COL5A1: variants seen among roughly 807,000 people sequenced by gnomAD.
The protein encoded by COL5A1 is collagen type V alpha 1 chain.
Under a neutral mutation model 263.7 loss-of-function variants are expected in COL5A1, and 16 were observed. That is an observed-to-expected ratio of 0.06 (90% CI 0.04 to 0.09). The LOEUF (loss-of-function observed/expected upper bound fraction) is 0.09, where lower values mean the gene tolerates loss of function less well. Ranked by LOEUF, COL5A1 falls within the 10% of genes least tolerant of loss-of-function variation. The pLI, the probability that COL5A1 is intolerant of heterozygous loss-of-function variation, is 1.00. For synonymous variants in COL5A1, 1,012 were observed against 1,004.5 expected (o/e 1.01, Z -0.14); for missense variants, 2,036 against 2,540.5 (o/e 0.80, Z 4.27).
rs917602950 is a variant in COL5A1 at position 134,754,419 on chromosome 9, G to A, written c.1827+93G>A. The A allele has an allele frequency of 6.9e-7, 1 of 1,445,618 alleles. No individual in the cohort carries two copies. Among genetic ancestry groups the A allele is most frequent in the Non-Finnish European group, 9.7e-7 (1 of 1,028,720 alleles). 89.5% of individuals were successfully genotyped at this position (1,445,618 alleles called of 1,614,324 possible). A position where few individuals can be genotyped will look rare whatever the true frequency, so the allele number is the denominator to read the frequency against. On this transcript the variant is annotated intron_variant, in intron 16 of 65. Coordinates refer to ENST00000371817, the MANE Select transcript of COL5A1 (RefSeq NM_000093.5). This position sits in a 1 kb window ranked among gnomAD's most constrained non-coding sequence, Gnocchi z 4.3. ...TGCGGGCACCCCCAACAGCCAGCTGGGCCACATGAAGCCAGGTGGCTCCCC... is the reference window on the plus strand; with the variant it reads ...TGCGGGCACCCCCAACAGCCAGCTGAGCCACATGAAGCCAGGTGGCTCCCC...
At chr9:134,666,938 G>A (rs1383254865) in intron 1 of COL5A1, among the ~76,000 whole-genome samples, 2 of 152,182 alleles carry the variant, frequency 1.3e-5, no homozygotes, top group Admixed American at 6.5e-5. Context: ...ACATCTCCTC[G>A]AGGATGGGGA....
chr9:134,731,951 A>G, intron 8 of COL5A1, 120 bp from the exon 9 acceptor site: 1 of 1,164,210 alleles, frequency 8.6e-7, no homozygotes, highest in Non-Finnish European at 1.3e-6. Flanking sequence ...GGGCCTGGGG[A>G]GATGCCCAGC....
At chr9:134,834,840 G>A (rs1588615151) in intron 64 of COL5A1, 131 bp from the exon 65 acceptor site, 3 of 706,066 alleles carry the variant, frequency 4.2e-6, no homozygotes, top group South Asian at 3.2e-5. Flanking sequence ...GGGTCTGTGG[G>A]TACAGTGCGT....
At chr9:134,775,085 C>A (rs1329382554) in intron 27 of COL5A1, among the ~76,000 whole-genome samples, 173 bp downstream of exon 27, 2 of 152,218 alleles carry the variant, frequency 1.3e-5, no homozygotes, top group African/African-American at 4.8e-5. Context: ...GGACAGCGGG[C>A]CTGAGCAGGT....
At chr9:134,830,237 C>T (rs568775156) in intron 64 of COL5A1, 193 bp downstream of exon 64, 43 of 1,526,540 alleles carry the variant, frequency 2.8e-5, no homozygotes, top group South Asian at 8.3e-5. Context: ...GGCTGGCTCG[C>T]GGCTCTGCAT....
In COL5A1 at chr9:134,757,819, C is replaced by T. The variant is rs1350230212; in HGVS notation, c.1882-424C>T. On this transcript the variant is annotated intron_variant, in intron 17 of 65. Coordinates refer to ENST00000371817, the MANE Select transcript of COL5A1 (RefSeq NM_000093.5). The surrounding 1 kb of genome is among the most constrained non-coding windows in gnomAD (Gnocchi z 6.2). ...GCTGGCCCGTCCACCAATGGGTACG[C>T]GTACCTCCTGAGCGCGGGCAGCCCC... Among the ~76,000 whole-genome samples, 4 of 152,272 alleles carry T rather than the reference C, an allele frequency of 2.6e-5. No homozygotes were observed. Among genetic ancestry groups the T allele is most frequent in the Middle Eastern group, 3.4e-3 (1 of 294 alleles).
chr9:134,662,583 G>T (rs1199973314), intron 1 of COL5A1, among the ~76,000 whole-genome samples: 1 of 152,234 alleles, frequency 6.6e-6, no homozygotes, highest in African/African-American at 2.4e-5. Flanking sequence ...GTGATGGGAG[G>T]CTGAGGGTAG....
chr9:134,649,343 C>T, intron 1 of COL5A1: 2 of 379,096 alleles, frequency 5.3e-6, no homozygotes, highest in Non-Finnish European at 1.1e-5. Flanking sequence ...TGTCACCATC[C>T]TTTGATGACT....
intron 12 of COL5A1, 79 bp from the exon 13 acceptor site, chr9:134,750,711 G>T: frequency 1.3e-6 from 2 of 1,595,602 alleles, no homozygotes; most frequent in Non-Finnish European, 1.7e-6. Context: ...GGAGAGGCCT[G>T]TGGGCCCCGT....
chr9:134,838,929 C>T lies in COL5A1; in HGVS notation c.5371-3228C>T, dbSNP rs531406392. Among the ~76,000 whole-genome samples the T allele has an allele frequency of 9.2e-5, 14 of 152,276 alleles. No individual in the cohort carries two copies. The South Asian group carries it at 1.9e-3, about 20-fold the overall frequency. On this transcript the variant is annotated intron_variant, in intron 65 of 65. Coordinates refer to ENST00000371817, the MANE Select transcript of COL5A1 (RefSeq NM_000093.5). ...GGGGTGGCATGCAGGGACGCTGGCC[C>T]GGACTCTCAGGTGCCCTGCTGACCC... is the stretch of plus-strand genomic sequence containing the variant.
intron 17 of COL5A1, 63 bp downstream of exon 17, chr9:134,756,881 G>T: frequency 6.6e-7 from 1 of 1,507,554 alleles, no homozygotes; most frequent in Non-Finnish European, 9.2e-7. Flanking sequence ...TCATGTTGAT[G>T]ATGTAACCAA....
At chr9:134,832,174 G>A (rs1172261051) in intron 64 of COL5A1, among the ~76,000 whole-genome samples, 2 of 152,188 alleles carry the variant, frequency 1.3e-5, no homozygotes, top group African/African-American at 2.4e-5. Context: ...GGGAGGCTGA[G>A]GCGGATGGAT....
At chr9:134,839,726 C>T (rs929862655) in intron 65 of COL5A1, among the ~76,000 whole-genome samples, 2 of 152,192 alleles carry the variant, frequency 1.3e-5, no homozygotes, top group Non-Finnish European at 2.9e-5. Context: ...GGCTCCTCGC[C>T]GGTGGGGAGG....
In COL5A1 at chr9:134,652,559, G is replaced by T; in HGVS notation, c.109+10263G>T. 1 of 348,214 alleles carries T rather than the reference G, an allele frequency of 2.9e-6. No homozygotes were observed. The allele number at this position is 348,214 out of a possible 1,614,324, so 21.6% of individuals were successfully genotyped here. On this transcript the variant is annotated intron_variant, in intron 1 of 65. Coordinates refer to ENST00000371817, the MANE Select transcript of COL5A1 (RefSeq NM_000093.5). This position sits in a 1 kb window ranked among gnomAD's most constrained non-coding sequence, Gnocchi z 4.4. Reference sequence around the variant, plus strand: ...GATTGTCGCACCTGGGGTGGGGGCAGGGCTATCGGCCTGTAGTTGGGGGAG... The same window carrying T: ...GATTGTCGCACCTGGGGTGGGGGCATGGCTATCGGCCTGTAGTTGGGGGAG...
intron 11 of COL5A1, among the ~76,000 whole-genome samples, chr9:134,746,963 G>A (rs1052680681): frequency 1.3e-5 from 2 of 152,218 alleles, no homozygotes; most frequent in Non-Finnish European, 2.9e-5. Context: ...ATGTGACTTT[G>A]AGGTGTAGCC....
chr9:134,830,432 G>T, intron 64 of COL5A1: 1 of 570,380 alleles, frequency 1.8e-6, no homozygotes, highest in South Asian at 2.0e-5. Context: ...GCTGGGTGTG[G>T]GCCCCAGCCT....
At chr9:134,691,785 C>T (rs1400758508) in intron 2 of COL5A1, 1 of 152,632 alleles carries the variant, frequency 6.6e-6, no homozygotes, top group African/African-American at 2.4e-5. Context: ...AAATGAGCTC[C>T]TCTTTCTGAT....
chr9:134,828,608 A>AT (rs1235195339), intron 63 of COL5A1, among the ~76,000 whole-genome samples: 7 of 146,940 alleles, frequency 4.8e-5, no homozygotes, highest in South Asian at 2.1e-4. Flanking sequence ...ACAGATACAC[A>AT]CCATACACCA....
At chr9:134,777,283 G>A (rs893262665) in intron 27 of COL5A1, among the ~76,000 whole-genome samples, 9 of 152,246 alleles carry the variant, frequency 5.9e-5, no homozygotes, top group Non-Finnish European at 1.3e-4. Context: ...TGGGCTGTGC[G>A]CACATCTGGT....
Sources: allele counts gnomAD v4.1 joint callset (sites outside exome capture counted in the v4.1 genomes callset), GRCh38; gene constraint gnomAD v4.1.1; non-coding constraint Gnocchi (gnomAD v3.1); transcripts MANE v1.5; gene names NCBI Gene and HGNC (gene_info 2026-07-23, HGNC 2026-07-21).